EPB41L2: variants seen among roughly 807,000 people sequenced by gnomAD.
EPB41L2 encodes the protein erythrocyte membrane protein band 4.1 like 2, also known as band 4.1-like protein 2.
Under a neutral mutation model 113.0 loss-of-function variants are expected in EPB41L2, and 43 were observed. The ratio of observed to expected loss-of-function variants is 0.38; its 90% confidence interval spans 0.30 to 0.49. The LOEUF (loss-of-function observed/expected upper bound fraction) is 0.49, where lower values mean the gene tolerates loss of function less well. Ranked by LOEUF, EPB41L2 falls within the 20% of genes least tolerant of loss-of-function variation. The pLI is 0.95. For missense variants in EPB41L2, 1,147 were observed against 1,223.4 expected, an observed-to-expected ratio of 0.94 and a Z score of 0.93; for synonymous variants, 442 against 436.7, an observed-to-expected ratio of 1.01 and a Z score of -0.15.
chr6:131,016,068 G>A (rs1465653541), intron 1 of EPB41L2, among the ~76,000 whole-genome samples: 1 of 152,174 alleles, frequency 6.6e-6, no homozygotes, highest in Non-Finnish European at 1.5e-5. Context: ...AAAGGGCAAT[G>A]TTCTGTGTAG....
intron 1 of EPB41L2, among the ~76,000 whole-genome samples, chr6:130,976,604 A>G (rs1778259108): frequency 6.6e-6 from 1 of 152,184 alleles, no homozygotes; most frequent in African/African-American, 2.4e-5. Flanking sequence ...CAAAAGAATA[A>G]AAGAGTGGTG....
chr6:130,876,239 T>C (rs1787525623), intron 14 of EPB41L2, among the ~76,000 whole-genome samples: 1 of 152,298 alleles, frequency 6.6e-6, no homozygotes, highest in South Asian at 2.1e-4. Flanking sequence ...AAAATCTTTG[T>C]TCCCATTAAA....
At chr6:130,916,867 T>C (rs1801260895) in intron 4 of EPB41L2, among the ~76,000 whole-genome samples, 1 of 152,122 alleles carries the variant, frequency 6.6e-6, no homozygotes, top group African/African-American at 2.4e-5. Context: ...AGCCCTAGAG[T>C]TCTTTTTATG....
intron 1 of EPB41L2, among the ~76,000 whole-genome samples, chr6:131,044,706 C>T (rs533043790): frequency 1.3e-5 from 2 of 152,260 alleles, no homozygotes; most frequent in South Asian, 4.1e-4. Flanking sequence ...AGCCCCATTC[C>T]ATCATCAGCC....
intron 14 of EPB41L2, among the ~76,000 whole-genome samples, chr6:130,876,442 G>C (rs1787578528): frequency 6.6e-6 from 1 of 152,176 alleles, no homozygotes; most frequent in African/African-American, 2.4e-5. Flanking sequence ...TAAATTGGTT[G>C]ATGTTTCTGT....
intron 1 of EPB41L2, among the ~76,000 whole-genome samples, chr6:131,055,658 G>T (rs1797439804): frequency 6.6e-6 from 1 of 152,060 alleles, no homozygotes; most frequent in African/African-American, 2.4e-5. Context: ...AAAAACAAGG[G>T]TTTTAGCCAT....
chr6:131,045,333 A>G (rs1030112267), intron 1 of EPB41L2, among the ~76,000 whole-genome samples: 4 of 152,090 alleles, frequency 2.6e-5, no homozygotes, highest in African/African-American at 9.6e-5. Context: ...TTAAATATTC[A>G]TTTAATATGA....
chr6:131,022,389 C>T (rs1312834437), intron 1 of EPB41L2, among the ~76,000 whole-genome samples: 1 of 152,178 alleles, frequency 6.6e-6, no homozygotes, highest in Non-Finnish European at 1.5e-5. Context: ...TCCTAGTTAT[C>T]TATAGGAGCT....
intron 1 of EPB41L2, among the ~76,000 whole-genome samples, chr6:131,050,722 A>G (rs556218076): frequency 6.6e-6 from 1 of 152,366 alleles, no homozygotes; most frequent in South Asian, 2.1e-4. Flanking sequence ...CATATGTTCA[A>G]AACTTACTCT....
chr6:130,984,426 T>C (rs1780054630), intron 1 of EPB41L2, among the ~76,000 whole-genome samples: 3 of 152,220 alleles, frequency 2.0e-5, no homozygotes, highest in African/African-American at 7.2e-5. Flanking sequence ...GTAGGTTTGT[T>C]AACACCAACA....
intron 14 of EPB41L2, among the ~76,000 whole-genome samples, chr6:130,876,224 G>C (rs929166139): frequency 6.6e-6 from 1 of 152,158 alleles, no homozygotes; most frequent in Non-Finnish European, 1.5e-5. Context: ...CTGCTATGGT[G>C]CATCAAAATC....
intron 16 of EPB41L2, among the ~76,000 whole-genome samples, chr6:130,866,202 C>T (rs1783696750): frequency 6.6e-6 from 1 of 152,298 alleles, no homozygotes; most frequent in East Asian, 1.9e-4. Context: ...CAATACTGCA[C>T]ATACGCATGT....
chr6:130,878,385 C>A, intron 13 of EPB41L2, 135 bp from the exon 14 acceptor site: 2 of 1,013,822 alleles, frequency 2.0e-6, no homozygotes, highest in Non-Finnish European at 2.8e-6. Flanking sequence ...AGAAAAATGC[C>A]AAGTCTCTAA....
chr6:131,062,775 G>A (rs1035859410), intron 1 of EPB41L2, among the ~76,000 whole-genome samples: 7 of 151,960 alleles, frequency 4.6e-5, no homozygotes, highest in Non-Finnish European at 8.8e-5. Context: ...CACCCCGGGG[G>A]GGACGGCGTC....
At chr6:130,882,210 TC>T (rs1286624302) in intron 12 of EPB41L2, 3 of 152,228 alleles carry the variant, frequency 2.0e-5, no homozygotes, top group African/African-American at 7.2e-5. Context: ...ACAGGTTCCC[TC>T]CTCCTTCCCT....
chr6:130,946,533 T>C (rs1056694481), intron 3 of EPB41L2, among the ~76,000 whole-genome samples: 7 of 152,106 alleles, frequency 4.6e-5, no homozygotes, highest in Admixed American at 6.5e-5. Context: ...CCTTGGACAG[T>C]TGTCTTTATC....
intron 3 of EPB41L2, among the ~76,000 whole-genome samples, chr6:130,952,155 G>C (rs779665234): frequency 6.6e-6 from 1 of 152,064 alleles, no homozygotes; most frequent in Non-Finnish European, 1.5e-5. Flanking sequence ...AAGAATCACC[G>C]ATGACAATGT....
chr6:131,023,391 G>C (rs1478748979), intron 1 of EPB41L2, among the ~76,000 whole-genome samples: 1 of 152,048 alleles, frequency 6.6e-6, no homozygotes, highest in Non-Finnish European at 1.5e-5. Context: ...GATTTCAGTA[G>C]ATAAAAATAT....
chr6:130,915,783 A>C (rs966714258), intron 4 of EPB41L2, among the ~76,000 whole-genome samples: 1 of 152,004 alleles, frequency 6.6e-6, no homozygotes, highest in African/African-American at 2.4e-5. Flanking sequence ...ACGAGATCTA[A>C]TAGTTTTAAA....
Sources: gnomAD v4.1 joint callset for allele counts (sites outside exome capture counted in the v4.1 genomes callset) on GRCh38, gnomAD v4.1.1 for gene constraint, MANE v1.5 for transcripts, NCBI Gene and HGNC (gene_info 2026-07-23, HGNC 2026-07-21) for gene names.